Variants in CDH12 observed in about 807,000 individuals in gnomAD.
The protein encoded by CDH12 is cadherin 12.
Under a neutral mutation model 74.1 loss-of-function variants are expected in CDH12, and 41 were observed. The observed-to-expected ratio is 0.55, with a 90% CI of 0.43 to 0.72. CDH12 has a LOEUF of 0.72. Among genes scored for constraint, CDH12 ranks in the 30% least tolerant of loss-of-function variants. CDH12 has a pLI of 0.00. For synonymous variants in CDH12, 399 were observed against 355.0 expected (o/e 1.12, Z -1.39); for missense variants, 945 against 977.2 (o/e 0.97, Z 0.44).
chr5:22,125,811 A>C (rs1322008617), intron 4 of CDH12, among the ~76,000 whole-genome samples: 1 of 152,156 alleles, frequency 6.6e-6, no homozygotes, highest in East Asian at 1.9e-4. Flanking sequence ...TGTTCTTCTT[A>C]CTTTCTGCCA....
At chr5:22,747,459 A>G (rs1745348903) in intron 1 of CDH12, among the ~76,000 whole-genome samples, 1 of 145,460 alleles carries the variant, frequency 6.9e-6, no homozygotes, top group South Asian at 2.2e-4. Flanking sequence ...CCCTGTCTGT[A>G]CAAAAAAAAA....
chr5:22,653,317 T>G (rs537606392), intron 1 of CDH12, among the ~76,000 whole-genome samples: 40 of 152,306 alleles, frequency 2.6e-4, no homozygotes, highest in Admixed American at 2.0e-3. Flanking sequence ...TAGTCATTTC[T>G]CCTTTTAACA....
At chr5:22,323,162 T>A (rs755436221) in intron 3 of CDH12, among the ~76,000 whole-genome samples, 2 of 152,176 alleles carry the variant, frequency 1.3e-5, no homozygotes, top group African/African-American at 2.4e-5. Flanking sequence ...ACTTACACAG[T>A]GAAGCATTCA....
chr5:21,914,475 C>T (rs920320998), intron 6 of CDH12, among the ~76,000 whole-genome samples: 1 of 152,082 alleles, frequency 6.6e-6, no homozygotes, highest in African/African-American at 2.4e-5. Flanking sequence ...TATATACACA[C>T]ATACATACAG....
chr5:22,512,129 GATAC>G (rs1157631716), intron 1 of CDH12, among the ~76,000 whole-genome samples: 1 of 152,104 alleles, frequency 6.6e-6, no homozygotes. Flanking sequence ...ATGAGTTATA[GATAC>G]ATAAGTATTA....
chr5:22,067,655 T>C (rs2150212871), intron 5 of CDH12, among the ~76,000 whole-genome samples: 1 of 152,274 alleles, frequency 6.6e-6, no homozygotes, highest in Admixed American at 6.5e-5. Flanking sequence ...GCATCTTTGG[T>C]TGGTCTCATT....
intron 11 of CDH12, among the ~76,000 whole-genome samples, chr5:21,770,687 C>A (rs181755756): frequency 2.6e-5 from 4 of 151,758 alleles, no homozygotes; most frequent in Non-Finnish European, 5.9e-5. Context: ...AATTACTCTT[C>A]GACCCAGCAA....
Position 22,106,357 on chromosome 5 carries a change from A to C in CDH12, c.-186-27495T>G, listed in dbSNP as rs148890517. Among the ~76,000 whole-genome samples the C allele has an allele frequency of 1.4e-4, 22 of 152,262 alleles. No individual in the cohort carries two copies. In the East Asian group the frequency reaches 4.0e-3, roughly 28 times the overall value. On this transcript the variant is annotated intron_variant, in intron 4 of 14. Transcript: ENST00000382254. The stretch of plus-strand genomic sequence containing the variant: ...AGTACTGTCATTTCATTTTTATGCA[A>C]ATTTTCAATCATTTTGGAATGTATC...
At chr5:21,853,943 G>A (rs7447754) in intron 7 of CDH12, among the ~76,000 whole-genome samples, 95,821 of 151,462 alleles carry the variant, frequency 0.63, 34,569 homozygotes, top group East Asian at 0.79. Flanking sequence ...TGACATGGAA[G>A]GCCTACTCTG....
intron 1 of CDH12, among the ~76,000 whole-genome samples, chr5:22,560,340 G>A (rs548377189): frequency 2.6e-4 from 39 of 152,056 alleles, no homozygotes; most frequent in Non-Finnish European, 4.6e-4. Context: ...GTGTATCCAC[G>A]CTGCGTGCTA....
intron 1 of CDH12, among the ~76,000 whole-genome samples, chr5:22,777,652 G>T (rs1400228853): frequency 6.6e-6 from 1 of 151,820 alleles, no homozygotes; most frequent in Non-Finnish European, 1.5e-5. Flanking sequence ...TCTGGTAAAT[G>T]CCTTTTTATG....
intron 3 of CDH12, among the ~76,000 whole-genome samples, chr5:22,385,626 G>A (rs980933586): frequency 6.6e-6 from 1 of 152,106 alleles, no homozygotes; most frequent in East Asian, 1.9e-4. Context: ...AAGACAGTAG[G>A]AGCCTAGCAT....
intron 5 of CDH12, among the ~76,000 whole-genome samples, chr5:22,008,901 A>C (rs1338387986): frequency 6.6e-6 from 1 of 152,206 alleles, no homozygotes; most frequent in East Asian, 1.9e-4. Context: ...TTCTCTACAC[A>C]GAACAGTCTC....
intron 5 of CDH12, among the ~76,000 whole-genome samples, chr5:22,068,898 C>A (rs527797242): frequency 3.9e-5 from 6 of 152,292 alleles, no homozygotes; most frequent in African/African-American, 1.4e-4. Flanking sequence ...CTGGCTATAG[C>A]CACTGCTGAA....
chr5:22,563,933 A>C (rs1388727531), intron 1 of CDH12, among the ~76,000 whole-genome samples: 2 of 152,140 alleles, frequency 1.3e-5, no homozygotes, highest in African/African-American at 4.8e-5. Context: ...TGATTCAAGC[A>C]TCTCCCACCA....
intron 1 of CDH12, among the ~76,000 whole-genome samples, chr5:22,744,484 T>G (rs1300970609): frequency 6.6e-6 from 1 of 152,136 alleles, no homozygotes. Flanking sequence ...TAAATGTGAA[T>G]TGTTTAATTC....
At chr5:22,670,551 G>A (rs1740851196) in intron 1 of CDH12, among the ~76,000 whole-genome samples, 1 of 151,684 alleles carries the variant, frequency 6.6e-6, no homozygotes, top group Non-Finnish European at 1.5e-5. Context: ...ATTTAATAGT[G>A]GAAATTACTT....
intron 2 of CDH12, among the ~76,000 whole-genome samples, chr5:22,475,241 T>C (rs1746120128): frequency 6.6e-6 from 1 of 151,882 alleles, no homozygotes; most frequent in Admixed American, 6.6e-5. Flanking sequence ...TCTAGAATGA[T>C]TGTAAATGTC....
intron 5 of CDH12, among the ~76,000 whole-genome samples, chr5:22,020,943 G>A (rs1737933496): frequency 6.6e-6 from 1 of 152,096 alleles, no homozygotes; most frequent in Non-Finnish European, 1.5e-5. Context: ...TAATTGGTGA[G>A]TGCTGTTTTT....
Sources: allele counts gnomAD v4.1 joint callset (sites outside exome capture counted in the v4.1 genomes callset), GRCh38; gene constraint gnomAD v4.1.1; transcripts MANE v1.5; gene names NCBI Gene and HGNC (gene_info 2026-07-23, HGNC 2026-07-21).